The following KHDRBS3 variants were observed in gnomAD, a reference collection of about 807,000 sequenced individuals.
KHDRBS3 encodes KH RNA binding domain containing, signal transduction associated 3, also known as KH domain-containing, RNA-binding, signal transduction-associated protein 3.
A neutral mutation model predicts 45.6 loss-of-function variants in KHDRBS3; 23 were observed. The ratio of observed to expected loss-of-function variants is 0.50; its 90% confidence interval spans 0.36 to 0.72. The LOEUF (loss-of-function observed/expected upper bound fraction) is 0.72, where lower values mean the gene tolerates loss of function less well. KHDRBS3 is among the 30% of genes least tolerant of loss of function. The pLI, the probability that KHDRBS3 is intolerant of heterozygous loss-of-function variation, is 0.00. For synonymous variants in KHDRBS3, 162 were observed against 156.5 expected, an observed-to-expected ratio of 1.04 and a Z score of -0.26; for missense variants, 352 against 424.8, an observed-to-expected ratio of 0.83 and a Z score of 1.51.
At chr8:135,507,062 G>T (rs868799701) in intron 1 of KHDRBS3, among the ~76,000 whole-genome samples, 3 of 152,170 alleles carry the variant, frequency 2.0e-5, no homozygotes, top group Middle Eastern at 6.8e-3. Context: ...TAAATAGACT[G>T]CAGATATATT....
intron 2 of KHDRBS3, among the ~76,000 whole-genome samples, chr8:135,536,933 G>A (rs1057259093): frequency 2.4e-5 from 3 of 122,898 alleles, no homozygotes; most frequent in Non-Finnish European, 4.8e-5. Flanking sequence ...GCAGTCCGCA[G>A]TCCGACCTGG....
At chr8:135,518,243 A>C (rs976934224) in intron 1 of KHDRBS3, among the ~76,000 whole-genome samples, 4 of 151,896 alleles carry the variant, frequency 2.6e-5, no homozygotes, top group African/African-American at 7.3e-5. Context: ...ACACGATCTC[A>C]CCTCACTGCA....
chr8:135,530,797 A>C (rs187981868), intron 2 of KHDRBS3, among the ~76,000 whole-genome samples: 3 of 152,278 alleles, frequency 2.0e-5, no homozygotes, highest in East Asian at 3.9e-4. Flanking sequence ...CTTCTCTCTC[A>C]TTGACCTGCT....
downstream of KHDRBS3, chr8:135,648,065 G>A (rs1463568929): frequency 6.6e-6 from 1 of 152,078 alleles, no homozygotes; most frequent in Non-Finnish European, 1.5e-5. Flanking sequence ...GACTAATTGA[G>A]GTCGCACTCG....
intron 1 of KHDRBS3, among the ~76,000 whole-genome samples, chr8:135,494,273 A>T (rs1456291747): frequency 7.8e-3 from 614 of 78,304 alleles, no homozygotes; most frequent in African/African-American, 0.017. Context: ...TGTTTCTCTT[A>T]TTTTTTTTTT....
chr8:135,499,950 C>T (rs969624198), intron 1 of KHDRBS3, among the ~76,000 whole-genome samples: 4 of 152,054 alleles, frequency 2.6e-5, no homozygotes, highest in Non-Finnish European at 4.4e-5. Flanking sequence ...ATAAAGTTTC[C>T]AGTTGTTAGC....
intron 6 of KHDRBS3, among the ~76,000 whole-genome samples, chr8:135,589,122 T>C (rs1011582019): frequency 1.3e-5 from 2 of 152,206 alleles, no homozygotes; most frequent in African/African-American, 4.8e-5. Context: ...ACCTAACATA[T>C]AGTAGTCACT....
Position 135,488,071 on chromosome 8 carries a change from G to A in KHDRBS3, c.88+30117G>A, listed in dbSNP as rs538027600. Among the ~76,000 whole-genome samples the A allele has an allele frequency of 3.3e-5, 5 of 152,336 alleles. No homozygotes were observed. In the South Asian group the frequency reaches 1.0e-3, roughly 32 times the overall value. ...TCTATATACATGTGTATGTATAAGT[G>A]TGTATGTGGGACATCAGTATTCAGA... On this transcript the variant is annotated intron_variant, in intron 1 of 8. Coordinates refer to ENST00000355849, the MANE Select transcript of KHDRBS3 (RefSeq NM_006558.3).
In KHDRBS3 at chr8:135,457,886, C is replaced by T. The variant is rs760895122; in HGVS notation, c.20C>T (p.Pro7Leu). 1 of 1,597,980 alleles carries T rather than the reference C, an allele frequency of 6.3e-7. No homozygotes were observed. Among genetic ancestry groups the T allele is most frequent in the East Asian group, 2.3e-5 (1 of 43,440 alleles). The change falls in exon 1 of 9, where the codon CCC (proline) becomes CTC (leucine). Residue 7 changes from proline to leucine, a missense_variant. Around this residue, in one of 6 missense-constraint regions of KHDRBS3, gnomAD observed 58 missense variants for 64.5 expected, o/e 0.90. Transcript: ENST00000355849. The surrounding 1 kb of genome is among the most constrained non-coding windows in gnomAD (Gnocchi z 4.4). ...GCGAGCATGGAGGAGAAGTACCTGC[C>T]CGAGCTGATGGCGGAGAAGGACTCC... MEEKYL[P>L]ELMAEKDSLD...
At chr8:135,564,160 T>G (rs1024915722) in intron 5 of KHDRBS3, among the ~76,000 whole-genome samples, 3 of 152,186 alleles carry the variant, frequency 2.0e-5, no homozygotes, top group Non-Finnish European at 4.4e-5. Flanking sequence ...AGATAATCCT[T>G]TATAGTTTCT....
At position 135,642,180 on chromosome 8, in the gene KHDRBS3, A is replaced by G. The variant is rs75233349; in HGVS notation, c.891-2879A>G. ...TTCTGGAAGAGCAAAGGCCATGTCA[A>G]AGTGGGAACCAATCACATAAGGTGT... On this transcript the variant is annotated intron_variant, in intron 7 of 8. Transcript: ENST00000355849. Among the ~76,000 whole-genome samples, 853 of 152,324 alleles carry G rather than the reference A, an allele frequency of 5.6e-3. 18 individuals carry two copies. The highest frequency in any genetic ancestry group is 0.032 in the Admixed American group (492 of 15,298).
intron 1 of KHDRBS3, among the ~76,000 whole-genome samples, chr8:135,505,427 T>C (rs1400316808): frequency 6.6e-6 from 1 of 152,168 alleles, no homozygotes; most frequent in Non-Finnish European, 1.5e-5. Flanking sequence ...GCGTAGTCTC[T>C]GGCACATTGT....
intron 4 of KHDRBS3, among the ~76,000 whole-genome samples, chr8:135,655,236 T>C (rs1361749337): frequency 6.6e-6 from 1 of 152,232 alleles, no homozygotes; most frequent in East Asian, 1.9e-4. Flanking sequence ...GCAGTACTGA[T>C]GCTTTATGCA....
chr8:135,653,127 A>G (rs753811750), intron 4 of KHDRBS3, among the ~76,000 whole-genome samples: 2 of 152,218 alleles, frequency 1.3e-5, no homozygotes, highest in Non-Finnish European at 2.9e-5. Context: ...AGGAGATAGA[A>G]TAAACAAACA....
At chr8:135,613,821 C>T (rs754668595) in intron 7 of KHDRBS3, among the ~76,000 whole-genome samples, 8 of 151,554 alleles carry the variant, frequency 5.3e-5, no homozygotes, top group Non-Finnish European at 1.0e-4. Context: ...GCCTGGCTAC[C>T]GTTGGGTATG....
chr8:135,642,062 G>C (rs1319692027), intron 7 of KHDRBS3, among the ~76,000 whole-genome samples: 2 of 152,168 alleles, frequency 1.3e-5, no homozygotes, highest in African/African-American at 2.4e-5. Context: ...AGATCACTAT[G>C]ATCATGTGGC....
At chr8:135,521,216 G>T (rs1187533585) in intron 1 of KHDRBS3, 21 bp from the exon 2 acceptor site, 1 of 1,460,694 alleles carries the variant, frequency 6.8e-7, no homozygotes, top group Non-Finnish European at 9.6e-7. Context: ...ACACTTCATG[G>T]TTATCTTTTT....
At chr8:135,575,702 G>A (rs1265880064) in intron 5 of KHDRBS3, among the ~76,000 whole-genome samples, 1 of 152,020 alleles carries the variant, frequency 6.6e-6, no homozygotes, top group African/African-American at 2.4e-5. Context: ...TTTACAGAAA[G>A]ATTGTGAAAA....
chr8:135,461,406 G>T (rs1466486219), intron 1 of KHDRBS3, among the ~76,000 whole-genome samples: 2 of 152,140 alleles, frequency 1.3e-5, no homozygotes, highest in Non-Finnish European at 2.9e-5. Context: ...CCTGGCCTCT[G>T]AATTTGTTTC....
Sources: allele counts gnomAD v4.1 joint callset (sites outside exome capture counted in the v4.1 genomes callset), GRCh38; gene constraint gnomAD v4.1.1; regional missense constraint gnomAD v4.1.1; non-coding constraint Gnocchi (gnomAD v3.1); transcripts MANE v1.5; gene names NCBI Gene and HGNC (gene_info 2026-07-23, HGNC 2026-07-21).